COPB1: variants seen among roughly 807,000 people sequenced by gnomAD.
COPB1 encodes the protein coat protein complex I subunit beta 1.
A neutral mutation model predicts 108.7 loss-of-function variants in COPB1; 21 were observed. That is an observed-to-expected ratio of 0.19 (90% CI 0.14 to 0.28). COPB1 has a LOEUF of 0.28. COPB1 is among the 10% of genes least tolerant of loss of function. COPB1 has a pLI of 1.00. For missense variants in COPB1, 919 were observed against 1,141.3 expected (o/e 0.81, Z 2.81); for synonymous variants, 378 against 386.8 (o/e 0.98, Z 0.27).
At position 14,498,830 on chromosome 11, in the gene COPB1, A is replaced by C. The variant is rs1175400792; in HGVS notation, c.91+8T>G. 2 of 1,569,658 alleles carry C rather than the reference A, an allele frequency of 1.3e-6. No homozygotes were observed. Among genetic ancestry groups the C allele is most frequent in the East Asian group, 4.5e-5 (2 of 44,480 alleles). ...TCATTTCATTCTCAAAATAATATCG[A>C]AGTTTACCTAGATCATTTTTTAAGC... is the stretch of plus-strand genomic sequence containing the variant. On this transcript the variant is annotated splice_region_variant and intron_variant, in intron 2 of 21. Transcript: ENST00000439561.
Position 14,465,062 on chromosome 11 carries a change from T to TACACACAC in COPB1, c.2291-40_2291-33dup, listed in dbSNP as rs3835110. The TACACACAC allele has an allele frequency of 3.9e-4, 430 of 1,113,498 alleles. 3 individuals are homozygous for TACACACAC. Among genetic ancestry groups the TACACACAC allele is most frequent in the East Asian group, 3.8e-3 (126 of 33,166 alleles). The allele number at this position is 1,113,498 out of a possible 1,614,324, so 69.0% of individuals were successfully genotyped here. On this transcript the variant is annotated intron_variant, in intron 17 of 21. Transcript: ENST00000439561. ...GAAAGAGTTTGGATATGGTTAAAAA[T>TACACACAC]ACACACACACACACACACACACACA...
At chr11:14,480,028 C>T (rs1850627226) in intron 10 of COPB1, among the ~76,000 whole-genome samples, 1 of 152,062 alleles carries the variant, frequency 6.6e-6, no homozygotes, top group African/African-American at 2.4e-5. Flanking sequence ...GGTCTTGAAT[C>T]CCTGGCCTCA....
At chr11:14,476,362 A>G (rs1256915806) in intron 12 of COPB1, among the ~76,000 whole-genome samples, 3 of 152,192 alleles carry the variant, frequency 2.0e-5, no homozygotes, top group African/African-American at 7.2e-5. Context: ...AATAAATCCG[A>G]CTTATTTGTA....
At chr11:14,495,760 T>C (rs1450583207) in intron 2 of COPB1, among the ~76,000 whole-genome samples, 1 of 152,220 alleles carries the variant, frequency 6.6e-6, no homozygotes, top group African/African-American at 2.4e-5. Context: ...CAATTAAGAC[T>C]AGGGCATTGT....
chr11:14,489,427 C>T (rs1207214283), intron 5 of COPB1, among the ~76,000 whole-genome samples: 3 of 152,206 alleles, frequency 2.0e-5, no homozygotes, highest in Non-Finnish European at 2.9e-5. Flanking sequence ...TGTACATCTA[C>T]GTTCACAATA....
intron 6 of COPB1, among the ~76,000 whole-genome samples, chr11:14,488,198 T>A (rs1053833397): frequency 9.2e-5 from 14 of 152,188 alleles, no homozygotes; most frequent in Admixed American, 3.3e-4. Context: ...AGCCTAATTA[T>A]AATCTATTCA....
At chr11:14,475,093 CAAAAAAAAA>C (rs146181255) in intron 13 of COPB1, among the ~76,000 whole-genome samples, 55 of 71,546 alleles carry the variant, frequency 7.7e-4, no homozygotes, top group Middle Eastern at 0.012. Flanking sequence ...GACTCTGTGT[CAAAAAAAAA>C]AAAAAAAAAA....
In COPB1 at chr11:14,479,734, AAG is replaced by A; in HGVS notation, c.1213-22_1213-21del. ...CATTAACTAAAAGAAAAAAAAAAAA[AAG>A]AAAATGGAACTAACAATTTTCGAAA... On this transcript the variant is annotated intron_variant, in intron 10 of 21. Transcript: ENST00000439561. The A allele has an allele frequency of 6.4e-7, 1 of 1,550,504 alleles. No individual in the cohort carries two copies.
Position 14,486,376 on chromosome 11 carries a change from A to AG in COPB1, c.827dup (p.Ala277CysfsTer11), listed in dbSNP as rs1364337617. The AG allele has an allele frequency of 6.2e-7, 1 of 1,614,144 alleles. No individual in the cohort carries two copies. The highest frequency in any genetic ancestry group is 1.1e-5 in the South Asian group (1 of 91,088). ...AAGAAATACACAGTACCTTGATTGC[A>AG]GTTGGTGCACTAGAGAGTGTCACTA... is the stretch of plus-strand genomic sequence containing the variant. On this transcript the variant is annotated frameshift_variant, in exon 7 of 22. Coordinates refer to ENST00000439561, the MANE Select transcript of COPB1 (RefSeq NM_001144061.2). LOFTEE classifies it high-confidence loss of function.
intron 18 of COPB1, among the ~76,000 whole-genome samples, chr11:14,461,988 A>G (rs1357904029): frequency 6.6e-6 from 1 of 152,190 alleles, no homozygotes; most frequent in Non-Finnish European, 1.5e-5. Context: ...AATGCTATGT[A>G]AATAGTTATA....
intron 11 of COPB1, among the ~76,000 whole-genome samples, chr11:14,478,386 G>A (rs572011186): frequency 2.7e-5 from 4 of 150,790 alleles, no homozygotes; most frequent in African/African-American, 7.3e-5. Context: ...ACCAGCCTGG[G>A]CAACAAAGCA....
chr11:14,458,673 G>A lies in COPB1; in HGVS notation c.2661C>T (p.Tyr887=), dbSNP rs1378422189. ...CLTPEKALSG[Y]CGFMAANLYA... ...AAAGGTTGGCTGCCATAAAGCCACA[G>A]TAACCAGAAAGGGCCTGGAAAAAAT... is the stretch of plus-strand genomic sequence containing the variant. The change falls in exon 21 of 22, where the codon TAC becomes TAT. Residue 887 remains tyrosine, a synonymous_variant. Transcript: ENST00000439561. 6.2e-7 allele frequency: 1 copy of A among 1,610,404 alleles called. No homozygotes were observed. Among genetic ancestry groups the A allele is most frequent in the Non-Finnish European group, 8.5e-7 (1 of 1,178,634 alleles).
intron 5 of COPB1, among the ~76,000 whole-genome samples, chr11:14,489,508 T>C (rs1850847997): frequency 6.6e-6 from 1 of 152,198 alleles, no homozygotes; most frequent in African/African-American, 2.4e-5. Context: ...GTAAACACAA[T>C]GTAGCATATA....
In COPB1 at chr11:14,466,384, C is replaced by T; in HGVS notation, c.2188G>A (p.Ala730Thr). 1.2e-6 allele frequency: 2 copies of T among 1,613,192 alleles called. No individual in the cohort carries two copies. The highest frequency in any genetic ancestry group is 4.5e-5 in the East Asian group (2 of 44,818). Residue 730 changes from alanine to threonine, a missense_variant, in exon 17 of 22, where the codon GCT (alanine) becomes ACT (threonine). Around this residue, in one of 5 missense-constraint regions of COPB1, gnomAD observed 705 missense variants for 817.8 expected, o/e 0.86. Coordinates refer to ENST00000439561, the MANE Select transcript of COPB1 (RefSeq NM_001144061.2). The stretch of plus-strand genomic sequence containing the variant: ...TCATATTGGTTGACATGAACGTAAG[C>T]TTCTGCATATACAGGATCTGAGAAA... Reference protein sequence around the residue: ...TGFSDPVYAEAYVHVNQYDIV... With the variant: ...TGFSDPVYAETYVHVNQYDIV...
intron 7 of COPB1, 49 bp downstream of exon 7, chr11:14,486,318 A>T: frequency 6.2e-7 from 1 of 1,608,940 alleles, no homozygotes; most frequent in Non-Finnish European, 8.5e-7. Context: ...ATGAGTGCTA[A>T]GACAGAAAAT....
chr11:14,471,968 A>T (rs1302582612), intron 14 of COPB1, among the ~76,000 whole-genome samples: 2 of 152,162 alleles, frequency 1.3e-5, no homozygotes, highest in East Asian at 3.8e-4. Flanking sequence ...CCAAAAACGA[A>T]GGAAATATGA....
Position 14,469,676 on chromosome 11 carries a change from A to G in COPB1, c.1738-113T>C, listed in dbSNP as rs1389934150. The G allele has an allele frequency of 4.4e-6, 4 of 915,744 alleles. No individual in the cohort carries two copies. The East Asian group carries it at 1.1e-4, about 24-fold the overall frequency. 56.7% of individuals were successfully genotyped at this position (915,744 alleles called of 1,614,324 possible). Reference sequence around the variant, plus strand: ...TTCACTTCACCTGAATAAGATTTCAAATTCTTTGGATTTTATGTCCATATC... The same window carrying G: ...TTCACTTCACCTGAATAAGATTTCAGATTCTTTGGATTTTATGTCCATATC... On this transcript the variant is annotated intron_variant, in intron 14 of 21. Transcript: ENST00000439561.
chr11:14,461,335 C>T lies in COPB1; in HGVS notation c.2411-4G>A. ...GCTGCTCCAGAGACATCATAAACTG[C>T]AATTACATATACAAAAAGATTCGCA... On this transcript the variant is annotated splice_polypyrimidine_tract_variant and splice_region_variant and intron_variant, in intron 18 of 21. Transcript: ENST00000439561. 1 of 1,610,542 alleles carries T rather than the reference C, an allele frequency of 6.2e-7. No individual in the cohort carries two copies. The highest frequency in any genetic ancestry group is 8.5e-7 in the Non-Finnish European group (1 of 1,178,786).
intron 15 of COPB1, 65 bp from the exon 16 acceptor site, chr11:14,468,925 C>A: frequency 7.5e-7 from 1 of 1,329,676 alleles, no homozygotes. Context: ...AGGCTTTTGA[C>A]AGAGACAGCC....
Sources: allele counts gnomAD v4.1 joint callset (sites outside exome capture counted in the v4.1 genomes callset), GRCh38; gene constraint gnomAD v4.1.1; regional missense constraint gnomAD v4.1.1; transcripts MANE v1.5; gene names NCBI Gene and HGNC (gene_info 2026-07-23, HGNC 2026-07-21).